Variants in PALM2AKAP2 observed in about 807,000 individuals in gnomAD.
The protein encoded by PALM2AKAP2 is PALM2 and AKAP2 fusion, also known as PALM2-AKAP2 fusion protein.
Under a neutral mutation model 71.5 loss-of-function variants are expected in PALM2AKAP2, and 37 were observed. The ratio of observed to expected loss-of-function variants is 0.52; its 90% CI spans 0.40 to 0.68. The LOEUF (loss-of-function observed/expected upper bound fraction) is 0.68. Ranked by LOEUF, PALM2AKAP2 falls within the 30% of genes least tolerant of loss-of-function variation. PALM2AKAP2 has a pLI of 0.00. For synonymous variants in PALM2AKAP2, 468 were observed against 478.8 expected (o/e 0.98, Z 0.29); for missense variants, 1,224 against 1,191.8 (o/e 1.03, Z -0.40).
At chr9:110,089,681 C>T (rs977528466) in intron 1 of PALM2AKAP2, among the ~76,000 whole-genome samples, 17 of 152,304 alleles carry the variant, frequency 1.1e-4, no homozygotes, top group Admixed American at 5.9e-4. Context: ...CATTTTGTAT[C>T]GTGTTTCACA....
At chr9:110,046,256 G>T (rs1382076823), upstream of PALM2AKAP2, among the ~76,000 whole-genome samples, 1 of 152,132 alleles carries the variant, frequency 6.6e-6, no homozygotes, top group Non-Finnish European at 1.5e-5. Context: ...TATTAAAAAT[G>T]TTTAATCATG....
chr9:110,106,125 A>C (rs947299422), intron 1 of PALM2AKAP2, among the ~76,000 whole-genome samples: 4 of 152,230 alleles, frequency 2.6e-5, no homozygotes, highest in Non-Finnish European at 4.4e-5. Context: ...ATAATTTTGC[A>C]TTGGTAAGAG....
chr9:109,821,281 T>C (rs977834734), intron 1 of PALM2AKAP2, among the ~76,000 whole-genome samples: 1 of 152,194 alleles, frequency 6.6e-6, no homozygotes, highest in Non-Finnish European at 1.5e-5. Flanking sequence ...TGTATACATA[T>C]GTAACAAACC....
chr9:109,956,071 C>G (rs1831741431), intron 6 of PALM2AKAP2, among the ~76,000 whole-genome samples: 2 of 150,614 alleles, frequency 1.3e-5, no homozygotes, highest in South Asian at 4.2e-4. Context: ...GTGGCATGAT[C>G]TCAGCCCACT....
intron 1 of PALM2AKAP2, among the ~76,000 whole-genome samples, chr9:109,744,246 T>C (rs912646598): frequency 2.0e-5 from 3 of 152,162 alleles, no homozygotes; most frequent in Admixed American, 1.3e-4. Flanking sequence ...GGGCAGAGAA[T>C]GGAGTTCCAA....
chr9:110,138,582 CTGT>C (rs755252885), intron 2 of PALM2AKAP2, 43 bp downstream of exon 8: 26 of 1,517,232 alleles, frequency 1.7e-5, no homozygotes, highest in East Asian at 4.7e-5. Context: ...CCACAGCAGT[CTGT>C]TGTTGTTGAT....
intron 1 of PALM2AKAP2, among the ~76,000 whole-genome samples, chr9:109,823,297 A>G (rs543051281): frequency 2.0e-5 from 3 of 152,166 alleles, no homozygotes; most frequent in Admixed American, 2.0e-4. Context: ...CTGAACCCAC[A>G]TGGGAGGATA....
At chr9:109,684,252 C>T (rs1827777575) in intron 1 of PALM2AKAP2, among the ~76,000 whole-genome samples, 1 of 152,170 alleles carries the variant, frequency 6.6e-6, no homozygotes, top group African/African-American at 2.4e-5. Context: ...CTGATGAACC[C>T]TCCTTGAGAA....
chr9:110,144,595 T>C (rs965138518), intron 2 of PALM2AKAP2, among the ~76,000 whole-genome samples: 10 of 152,226 alleles, frequency 6.6e-5, no homozygotes, highest in African/African-American at 2.2e-4. Flanking sequence ...TACTATTATT[T>C]AGAAAAGTAA....
At chr9:109,988,860 G>A (rs992924126) in intron 6 of PALM2AKAP2, among the ~76,000 whole-genome samples, 1 of 152,172 alleles carries the variant, frequency 6.6e-6, no homozygotes, top group African/African-American at 2.4e-5. Flanking sequence ...GGAGATAATT[G>A]AACCATGGGG....
At position 110,048,837 on chromosome 9, in the gene PALM2AKAP2, CG is replaced by C. The variant is rs1564278280; in HGVS notation, c.141del (p.Ser48AlafsTer17). On this transcript the variant is annotated frameshift_variant, in exon 1 of 4. Transcript: ENST00000374525. LOFTEE classifies it high-confidence loss of function. ...GAGCAGAACCCCAGGACTGCGCCCC[CG>C]GGAGCGGGCGCCCAGAGGTGGGTGT... is the stretch of plus-strand genomic sequence containing the variant. The C allele has an allele frequency of 2.8e-5, 43 of 1,529,898 alleles. No homozygotes were observed. Among genetic ancestry groups the C allele is most frequent in the Non-Finnish European group, 3.8e-5 (43 of 1,144,548 alleles). 94.8% of individuals were successfully genotyped at this position (1,529,898 alleles called of 1,614,324 possible).
chr9:109,991,603 A>G (rs12000943), intron 6 of PALM2AKAP2, among the ~76,000 whole-genome samples: 69,574 of 151,962 alleles, frequency 0.46, 17,833 homozygotes, highest in African/African-American at 0.7. Flanking sequence ...AAGATTCTCA[A>G]AGGGAGTAAC....
intron 1 of PALM2AKAP2, among the ~76,000 whole-genome samples, chr9:109,767,890 T>C (rs926264978): frequency 3.2e-4 from 14 of 44,270 alleles, no homozygotes; most frequent in African/African-American, 2.8e-3. Context: ...GTTCAAAGCG[T>C]GGGCTAATAC....
At chr9:110,139,562 C>T (rs1835977437) in intron 2 of PALM2AKAP2, among the ~76,000 whole-genome samples, 1 of 152,180 alleles carries the variant, frequency 6.6e-6, no homozygotes, top group African/African-American at 2.4e-5. Flanking sequence ...ACTGATGCTT[C>T]ACCAGAGAAA....
At chr9:109,790,042 A>G (rs928354517) in intron 1 of PALM2AKAP2, among the ~76,000 whole-genome samples, 1 of 152,192 alleles carries the variant, frequency 6.6e-6, no homozygotes, top group Non-Finnish European at 1.5e-5. Context: ...AGCTAGAAGA[A>G]AAGAATAGAG....
chr9:109,729,967 G>T (rs16914430), intron 1 of PALM2AKAP2, among the ~76,000 whole-genome samples: 1,673 of 152,302 alleles, frequency 0.011, 25 homozygotes, highest in African/African-American at 0.037. Flanking sequence ...TCCTAGAAAT[G>T]ATCACTTGTT....
At chr9:109,865,368 G>A (rs1829423085) in intron 1 of PALM2AKAP2, among the ~76,000 whole-genome samples, 1 of 151,908 alleles carries the variant, frequency 6.6e-6, no homozygotes, top group Non-Finnish European at 1.5e-5. Context: ...CAAAGTGCTG[G>A]GATTACAGGT....
chr9:110,138,414 T>C, exon 2 of PALM2AKAP2: 5 of 1,614,114 alleles, frequency 3.1e-6, no homozygotes, highest in Non-Finnish European at 4.2e-6. Flanking sequence ...GAGGAAGAGA[T>C]CCGAGCAGCT....
At chr9:110,118,954 A>G (rs1835424277) in intron 1 of PALM2AKAP2, among the ~76,000 whole-genome samples, 1 of 152,262 alleles carries the variant, frequency 6.6e-6, no homozygotes, top group Non-Finnish European at 1.5e-5. Flanking sequence ...AAAATGTTCC[A>G]TAGCATTTAT....
Sources: gnomAD v4.1 joint callset for allele counts (sites outside exome capture counted in the v4.1 genomes callset) on GRCh38, gnomAD v4.1.1 for gene constraint, MANE v1.5 for transcripts, NCBI Gene and HGNC (gene_info 2026-07-23, HGNC 2026-07-21) for gene names.